Variants in CPNE4 observed in about 807,000 individuals in gnomAD.
CPNE4 encodes copine 4, also known as copine-4.
CPNE4 carries 25 observed loss-of-function variants against 67.9 expected under a neutral mutation model. The ratio of observed to expected loss-of-function variants is 0.37; its 90% confidence interval spans 0.27 to 0.51. The LOEUF (loss-of-function observed/expected upper bound fraction) is 0.51, where lower values mean the gene tolerates loss of function less well. Among genes scored for constraint, CPNE4 ranks in the 20% least tolerant of loss-of-function variants. CPNE4 has a pLI of 0.93. For missense variants in CPNE4, 464 were observed against 690.8 expected (o/e 0.67, Z 3.68); for synonymous variants, 242 against 244.9 (o/e 0.99, Z 0.11).
chr3:132,031,055 G>T (rs2074224507), intron 1 of CPNE4, among the ~76,000 whole-genome samples: 1 of 152,074 alleles, frequency 6.6e-6, no homozygotes, highest in Non-Finnish European at 1.5e-5. Flanking sequence ...TCCCTGAAAA[G>T]AAAATATTAT....
At chr3:131,851,078 A>C (rs1299279201) in intron 2 of CPNE4, among the ~76,000 whole-genome samples, 1 of 144,576 alleles carries the variant, frequency 6.9e-6, no homozygotes. Flanking sequence ...AATGTACTGA[A>C]AAAATGTGCA....
In CPNE4 at chr3:131,977,579, A is replaced by T. The variant is rs1046235345; in HGVS notation, c.-2+56988T>A. On this transcript the variant is annotated intron_variant, in intron 1 of 15. Coordinates refer to ENST00000429747, the MANE Select transcript of CPNE4 (RefSeq NM_130808.3). ...ACACACGCACATACATATACACCCA[A>T]ACACAAACACATACAATAGAAACCA... is the stretch of plus-strand genomic sequence containing the variant. Among the ~76,000 whole-genome samples the T allele has an allele frequency of 5.3e-5, 8 of 151,988 alleles. No homozygotes were observed. In the South Asian group the frequency reaches 1.7e-3, roughly 32 times the overall value.
In CPNE4 at chr3:131,973,153, G is replaced by A. The variant is rs377479789; in HGVS notation, c.-2+61414C>T. 8.1e-4 allele frequency among the ~76,000 whole-genome samples: 123 copies of A among 152,136 alleles called. 1 individual carries two copies. The South Asian group carries it at 0.017, about 22-fold the overall frequency. On this transcript the variant is annotated intron_variant, in intron 1 of 15. Coordinates refer to ENST00000429747, the MANE Select transcript of CPNE4 (RefSeq NM_130808.3). Reference sequence around the variant, plus strand: ...CTGGAAAAAAGTCATTTTGTACAACGGATCTGTGGTATCATAGCCATCTTA... The same window carrying A: ...CTGGAAAAAAGTCATTTTGTACAACAGATCTGTGGTATCATAGCCATCTTA...
At chr3:131,754,178 G>A (rs1392777446) in intron 2 of CPNE4, among the ~76,000 whole-genome samples, 1 of 152,082 alleles carries the variant, frequency 6.6e-6, no homozygotes, top group Non-Finnish European at 1.5e-5. Context: ...CAAGGTATAA[G>A]AAATGATAGG....
chr3:131,880,164 T>C (rs2087616024), intron 2 of CPNE4, among the ~76,000 whole-genome samples: 1 of 150,318 alleles, frequency 6.7e-6, no homozygotes, highest in African/African-American at 2.5e-5. Context: ...TTTTACTCTG[T>C]TGCCCAGGCT....
chr3:131,694,884 C>T (rs2107693510), intron 5 of CPNE4, among the ~76,000 whole-genome samples: 1 of 152,324 alleles, frequency 6.6e-6, no homozygotes, highest in East Asian at 1.9e-4. Context: ...GAATTTCTGA[C>T]CCTCACAATC....
At chr3:131,758,186 G>A (rs2082800000) in intron 2 of CPNE4, among the ~76,000 whole-genome samples, 1 of 152,146 alleles carries the variant, frequency 6.6e-6, no homozygotes, top group South Asian at 2.1e-4. Context: ...TGCACCATCT[G>A]TCTGGAAAAG....
At chr3:131,860,142 G>A (rs934283604) in intron 2 of CPNE4, among the ~76,000 whole-genome samples, 2 of 152,072 alleles carry the variant, frequency 1.3e-5, no homozygotes, top group Non-Finnish European at 2.9e-5. Context: ...GTCCTTCTGT[G>A]TCTGTAAAGT....
At chr3:131,682,271 C>A (rs1218229693) in intron 6 of CPNE4, among the ~76,000 whole-genome samples, 1 of 152,030 alleles carries the variant, frequency 6.6e-6, no homozygotes, top group East Asian at 1.9e-4. Context: ...TTGTACCATC[C>A]TTCTTGGGAA....
At chr3:131,722,928 A>G (rs1241471166) in intron 3 of CPNE4, among the ~76,000 whole-genome samples, 6 of 152,242 alleles carry the variant, frequency 3.9e-5, no homozygotes, top group Admixed American at 3.9e-4. Flanking sequence ...TAAAATGGAT[A>G]TAATACTGAT....
chr3:131,982,809 T>A (rs1409832497), intron 1 of CPNE4, among the ~76,000 whole-genome samples: 1 of 152,048 alleles, frequency 6.6e-6, no homozygotes, highest in Middle Eastern at 3.3e-3. Flanking sequence ...TTAAATTGGC[T>A]TATAATAAGG....
rs939455789 is a variant in CPNE4 at position 131,721,453 on chromosome 3, T to C, written c.360+1993A>G. ...CTCTGTCACCCAGGCTGGAGCGCAC[T>C]GGCACGATCTCGGCTCACTGCAAGC... On this transcript the variant is annotated intron_variant, in intron 3 of 15. Transcript: ENST00000429747. 1.4e-5 allele frequency among the ~76,000 whole-genome samples: 2 copies of C among 142,344 alleles called. 1 individual carries two copies. The highest frequency in any genetic ancestry group is 1.5e-4 in the Admixed American group (2 of 13,780). 93.4% of individuals were successfully genotyped at this position (142,344 alleles called of 152,430 possible).
chr3:132,034,875 T>G lies in CPNE4; in HGVS notation c.-310A>C, dbSNP rs2074313488. ...GTCGGCTCTCAGTTAACTCGGAGAG[T>G]AAAGAGGAGGGTACTGAGAAAAGAG... On this transcript the variant is annotated 5_prime_UTR_variant, in exon 1 of 16. Transcript: ENST00000429747. The G allele has an allele frequency of 3.1e-6, 3 of 981,712 alleles. No individual in the cohort carries two copies. The highest frequency in any genetic ancestry group is 6.3e-5 in the Admixed American group (1 of 15,996). The allele number at this position is 981,712 out of a possible 1,614,324, so 60.8% of individuals were successfully genotyped here.
At chr3:131,548,252 T>C (rs1205801880) in intron 14 of CPNE4, among the ~76,000 whole-genome samples, 2 of 152,160 alleles carry the variant, frequency 1.3e-5, no homozygotes, top group African/African-American at 4.8e-5. Context: ...ATTATATATA[T>C]ATATGAAAAG....
chr3:131,980,249 A>C (rs1203053872), intron 1 of CPNE4, among the ~76,000 whole-genome samples: 1 of 152,148 alleles, frequency 6.6e-6, no homozygotes, highest in Non-Finnish European at 1.5e-5. Flanking sequence ...ATCTCTAGCA[A>C]GGCCAGGGAA....
intron 2 of CPNE4, among the ~76,000 whole-genome samples, chr3:131,756,949 C>G (rs1274892127): frequency 6.6e-6 from 1 of 152,212 alleles, no homozygotes; most frequent in Non-Finnish European, 1.5e-5. Flanking sequence ...CTCATTTTCT[C>G]TTGCCACTGC....
At chr3:131,536,086 T>C (rs1324476050) in intron 15 of CPNE4, among the ~76,000 whole-genome samples, 3 of 152,128 alleles carry the variant, frequency 2.0e-5, no homozygotes, top group Non-Finnish European at 4.4e-5. Flanking sequence ...GAAGTGTGTA[T>C]GGCAGGTGGG....
upstream of CPNE4, among the ~76,000 whole-genome samples, chr3:132,036,272 T>G (rs1459326689): frequency 1.3e-5 from 2 of 152,096 alleles, no homozygotes; most frequent in Non-Finnish European, 2.9e-5. Context: ...AAAACTTGGG[T>G]CACATGGCTA....
Position 131,875,425 on chromosome 3 carries a change from C to T in CPNE4, c.180+29839G>A, listed in dbSNP as rs369787819. Among the ~76,000 whole-genome samples, 26 of 152,218 alleles carry T rather than the reference C, an allele frequency of 1.7e-4. 1 individual carries two copies. The highest frequency in any genetic ancestry group is 6.3e-4 in the African/African-American group (26 of 41,520). Reference sequence around the variant, plus strand: ...TGTTCACAATAGCAAAGACTTGGAACCAACCCAAATGTCCAACAATGATAG... The same window carrying T: ...TGTTCACAATAGCAAAGACTTGGAATCAACCCAAATGTCCAACAATGATAG... On this transcript the variant is annotated intron_variant, in intron 2 of 15. Transcript: ENST00000429747.
Sources: allele counts gnomAD v4.1 joint callset (sites outside exome capture counted in the v4.1 genomes callset), GRCh38; gene constraint gnomAD v4.1.1; transcripts MANE v1.5; gene names NCBI Gene and HGNC (gene_info 2026-07-23, HGNC 2026-07-21).